The following RIT2 variants were observed in gnomAD, a reference collection of about 807,000 sequenced individuals.
RIT2 encodes Ras like without CAAX 2, also known as GTP-binding protein Rit2.
A neutral mutation model predicts 23.7 loss-of-function variants in RIT2; 24 were observed. The ratio of observed to expected loss-of-function variants is 1.01; its 90% CI spans 0.73 to 1.43. The LOEUF is 1.43. RIT2 is among the 40% of genes most tolerant of loss of function. The pLI is 0.00. For synonymous variants in RIT2, 107 were observed against 91.1 expected, an observed-to-expected ratio of 1.17 and a Z score of -0.99; for missense variants, 236 against 266.9, an observed-to-expected ratio of 0.88 and a Z score of 0.81.
At chr18:43,009,611 G>A (rs1414686241) in intron 2 of RIT2, among the ~76,000 whole-genome samples, 2 of 151,444 alleles carry the variant, frequency 1.3e-5, no homozygotes, top group African/African-American at 2.4e-5. Flanking sequence ...ATATTTTCAT[G>A]GTCTTATTAA....
At chr18:42,984,750 T>C (rs1287195078) in intron 2 of RIT2, among the ~76,000 whole-genome samples, 2 of 152,054 alleles carry the variant, frequency 1.3e-5, no homozygotes, top group African/African-American at 4.8e-5. Flanking sequence ...AAAAGCATAT[T>C]AGAAAACTGG....
intron 1 of RIT2, among the ~76,000 whole-genome samples, chr18:43,060,779 ATCT>A (rs1912624279): frequency 6.6e-6 from 1 of 152,162 alleles, no homozygotes; most frequent in Non-Finnish European, 1.5e-5. Flanking sequence ...GAGAAAACAG[ATCT>A]TCTGCCTTTT....
chr18:42,851,124 A>C (rs1475666765), intron 4 of RIT2, among the ~76,000 whole-genome samples: 1 of 152,216 alleles, frequency 6.6e-6, no homozygotes, highest in East Asian at 1.9e-4. Flanking sequence ...AATTGGTGCC[A>C]CTTTTTAATT....
intron 2 of RIT2, among the ~76,000 whole-genome samples, chr18:43,017,838 T>TG: frequency 6.6e-6 from 1 of 152,178 alleles, no homozygotes; most frequent in South Asian, 2.1e-4. Context: ...TAAAGCCAGA[T>TG]GCATCAAACA....
intron 1 of RIT2, among the ~76,000 whole-genome samples, chr18:43,043,646 C>T (rs112427440): frequency 0.094 from 14,324 of 151,706 alleles, 741 homozygotes; most frequent in East Asian, 0.18. Context: ...CAAAATTAGC[C>T]GGGCTTGGTG....
intron 2 of RIT2, among the ~76,000 whole-genome samples, chr18:42,998,792 G>T (rs576344596): frequency 6.6e-6 from 1 of 152,066 alleles, no homozygotes. Context: ...GTCTGCAATG[G>T]TGTCTGCAAT....
intron 4 of RIT2, among the ~76,000 whole-genome samples, chr18:42,776,909 G>T (rs1913685372): frequency 6.6e-6 from 1 of 152,114 alleles, no homozygotes; most frequent in Non-Finnish European, 1.5e-5. Flanking sequence ...ATCTAGAATA[G>T]ACTTTAGAAA....
At chr18:42,852,976 G>C (rs1282500394) in intron 4 of RIT2, among the ~76,000 whole-genome samples, 1 of 152,028 alleles carries the variant, frequency 6.6e-6, no homozygotes, top group Non-Finnish European at 1.5e-5. Context: ...TGAGATCACA[G>C]ATGTCCACCA....
Position 43,105,443 on chromosome 18 carries a change from A to C in RIT2, c.103+9974T>G, listed in dbSNP as rs79308016. ...TTAGGTGGAGGCATGGAAGGAAGGA[A>C]CAAAAAAAGGAAGGGAGGAAGGGAG... On this transcript the variant is annotated intron_variant, in intron 1 of 4. Transcript: ENST00000326695. Among the ~76,000 whole-genome samples, 1,059 of 148,558 alleles carry C rather than the reference A, an allele frequency of 7.1e-3. 14 individuals are homozygous for C. The highest frequency in any genetic ancestry group is 0.025 in the African/African-American group (1,004 of 40,620).
At chr18:42,749,300 A>C (rs1912990590) in intron 4 of RIT2, among the ~76,000 whole-genome samples, 1 of 152,046 alleles carries the variant, frequency 6.6e-6, no homozygotes, top group African/African-American at 2.4e-5. Flanking sequence ...ACTGTATCAA[A>C]ACTTATAGGA....
chr18:43,011,163 C>T (rs1474380716), intron 2 of RIT2, among the ~76,000 whole-genome samples: 1 of 151,766 alleles, frequency 6.6e-6, no homozygotes, highest in East Asian at 1.9e-4. Context: ...GCAGATAAAG[C>T]AACTAGTGGA....
At chr18:42,970,786 G>A (rs1910344166) in intron 3 of RIT2, among the ~76,000 whole-genome samples, 1 of 151,910 alleles carries the variant, frequency 6.6e-6, no homozygotes, top group South Asian at 2.1e-4. Context: ...AATCAAACCT[G>A]AGCATAAAAA....
intron 1 of RIT2, among the ~76,000 whole-genome samples, chr18:43,104,378 T>C (rs1225267468): frequency 6.6e-6 from 1 of 152,164 alleles, no homozygotes; most frequent in Admixed American, 6.5e-5. Flanking sequence ...ATAATGAATG[T>C]GGTTGGCTAT....
At chr18:42,860,942 G>A (rs1211979548) in intron 4 of RIT2, among the ~76,000 whole-genome samples, 1 of 152,128 alleles carries the variant, frequency 6.6e-6, no homozygotes, top group Non-Finnish European at 1.5e-5. Context: ...GTTTATAAAG[G>A]ATGCATGCAT....
Position 42,955,831 on chromosome 18 carries a change from G to A in RIT2, c.234+18243C>T, listed in dbSNP as rs529178834. Among the ~76,000 whole-genome samples the A allele has an allele frequency of 2.6e-5, 4 of 152,246 alleles. No homozygotes were observed. The East Asian group carries it at 7.7e-4, about 29-fold the overall frequency. On this transcript the variant is annotated intron_variant, in intron 3 of 4. Transcript: ENST00000326695. ...TTCACCTTGAAAAGAAATCTCAAAT[G>A]TATTCCTTGTTCCCTCTTTCCAAGC...
intron 3 of RIT2, among the ~76,000 whole-genome samples, chr18:42,956,614 T>C (rs889912993): frequency 6.6e-6 from 1 of 152,146 alleles, no homozygotes; most frequent in Non-Finnish European, 1.5e-5. Context: ...TGTGGTCAAA[T>C]TGCCTGTTTT....
chr18:43,041,679 C>T (rs1912132046), intron 1 of RIT2, among the ~76,000 whole-genome samples: 1 of 152,066 alleles, frequency 6.6e-6, no homozygotes, highest in African/African-American at 2.4e-5. Flanking sequence ...TTTTCATGCA[C>T]ATATTTTTAT....
At chr18:42,829,419 C>A (rs1301558305) in intron 4 of RIT2, among the ~76,000 whole-genome samples, 1 of 152,270 alleles carries the variant, frequency 6.6e-6, no homozygotes, top group African/African-American at 2.4e-5. Flanking sequence ...AACTCTACTA[C>A]CTACCCAGGG....
chr18:42,786,426 G>C (rs1289484860), intron 4 of RIT2, among the ~76,000 whole-genome samples: 5 of 152,070 alleles, frequency 3.3e-5, no homozygotes, highest in Non-Finnish European at 7.4e-5. Flanking sequence ...CTACCATTAT[G>C]CCTTTAGAAC....
Sources: gnomAD v4.1 joint callset for allele counts (sites outside exome capture counted in the v4.1 genomes callset) on GRCh38, gnomAD v4.1.1 for gene constraint, MANE v1.5 for transcripts, NCBI Gene and HGNC (gene_info 2026-07-23, HGNC 2026-07-21) for gene names.